OXR1: variants seen among roughly 807,000 people sequenced by gnomAD.
The protein encoded by OXR1 is oxidation resistance protein 1.
Under a neutral mutation model 104.6 loss-of-function variants are expected in OXR1, and 41 were observed. The ratio of observed to expected loss-of-function variants is 0.39; its 90% CI spans 0.31 to 0.51. The LOEUF (loss-of-function observed/expected upper bound fraction) is 0.51. Among genes scored for constraint, OXR1 ranks in the 20% least tolerant of loss-of-function variants. The pLI is 0.77. For synonymous variants in OXR1, 348 were observed against 348.4 expected, an observed-to-expected ratio of 1.00 and a Z score of 0.01; for missense variants, 955 against 1,031.9, an observed-to-expected ratio of 0.93 and a Z score of 1.02.
At chr8:106,539,789 C>A (rs188878608) in intron 3 of OXR1, among the ~76,000 whole-genome samples, 4 of 152,228 alleles carry the variant, frequency 2.6e-5, no homozygotes, top group Non-Finnish European at 4.4e-5. Context: ...TCAGATGGGA[C>A]AGTGGTCCCT....
At chr8:106,649,966 G>T (rs1824426218) in intron 3 of OXR1, among the ~76,000 whole-genome samples, 1 of 152,090 alleles carries the variant, frequency 6.6e-6, no homozygotes, top group East Asian at 1.9e-4. Flanking sequence ...AAAGTGCTGG[G>T]ATTACAGGTG....
At chr8:106,690,912 T>C (rs2131283205) in intron 6 of OXR1, among the ~76,000 whole-genome samples, 1 of 152,098 alleles carries the variant, frequency 6.6e-6, no homozygotes, top group South Asian at 2.1e-4. Flanking sequence ...TCCTTTGCCC[T>C]ACCTATGTGT....
intron 2 of OXR1, among the ~76,000 whole-genome samples, chr8:106,415,251 C>G (rs762328130): frequency 5.3e-5 from 8 of 152,028 alleles, no homozygotes; most frequent in Non-Finnish European, 1.2e-4. Flanking sequence ...TTCTGCAGGC[C>G]TAAAATCTAT....
intron 2 of OXR1, among the ~76,000 whole-genome samples, chr8:106,388,424 C>CT (rs754817003): frequency 0.024 from 3,449 of 142,426 alleles, 108 homozygotes; most frequent in African/African-American, 0.075. Flanking sequence ...ACTTTCAGTT[C>CT]TTTTTTTTTT....
chr8:106,471,174 AG>A (rs1821472509), intron 2 of OXR1, among the ~76,000 whole-genome samples: 1 of 151,752 alleles, frequency 6.6e-6, no homozygotes, highest in Non-Finnish European at 1.5e-5. Context: ...ACAGTTTAGT[AG>A]AAAGGGAAGG....
At chr8:106,289,131 T>G (rs1323034204) in intron 1 of OXR1, among the ~76,000 whole-genome samples, 1 of 152,098 alleles carries the variant, frequency 6.6e-6, no homozygotes, top group Non-Finnish European at 1.5e-5. Flanking sequence ...GGATGCCCAC[T>G]CTAACCACTC....
intron 3 of OXR1, among the ~76,000 whole-genome samples, chr8:106,633,058 AC>A (rs1236542280): frequency 2.6e-5 from 4 of 152,002 alleles, no homozygotes; most frequent in Non-Finnish European, 5.9e-5. Flanking sequence ...AGATGGTGAA[AC>A]CCTGTCTCTA....
chr8:106,516,959 G>A (rs1160886281), intron 2 of OXR1, among the ~76,000 whole-genome samples: 1 of 152,070 alleles, frequency 6.6e-6, no homozygotes, highest in Non-Finnish European at 1.5e-5. Context: ...ACTATCTGTG[G>A]TTTCAAGCAT....
chr8:106,618,199 C>T, intron 3 of OXR1: 1 of 1,527,698 alleles, frequency 6.5e-7, no homozygotes, highest in South Asian at 1.2e-5. Flanking sequence ...TGTAAGTGCT[C>T]TCTTAGTGGC....
intron 11 of OXR1, among the ~76,000 whole-genome samples, chr8:106,725,411 T>C (rs1833237820): frequency 6.6e-6 from 1 of 152,206 alleles, no homozygotes; most frequent in South Asian, 2.1e-4. Context: ...ATGATATTGA[T>C]ATTCTGATTA....
At chr8:106,384,355 A>G (rs1817280155) in intron 2 of OXR1, among the ~76,000 whole-genome samples, 1 of 152,160 alleles carries the variant, frequency 6.6e-6, no homozygotes, top group Non-Finnish European at 1.5e-5. Flanking sequence ...GCACTTCCTG[A>G]GATCACATGA....
At chr8:106,452,446 T>C (rs1820366978) in intron 2 of OXR1, among the ~76,000 whole-genome samples, 2 of 152,098 alleles carry the variant, frequency 1.3e-5, no homozygotes, top group Admixed American at 6.6e-5. Context: ...ATAGAGTAAG[T>C]TTTAATTAAC....
chr8:106,622,095 C>T (rs1196889527), intron 3 of OXR1, among the ~76,000 whole-genome samples: 1 of 152,120 alleles, frequency 6.6e-6, no homozygotes, highest in Admixed American at 6.6e-5. Flanking sequence ...ATTTCTCTAG[C>T]TATTCAGGCC....
In OXR1 at chr8:106,545,174, C is replaced by T. The variant is rs527948695; in HGVS notation, c.220+26035C>T. ...ACATGTACCCTGGGGGCAAAGTCAC[C>T]CCTGGTTGAAAGCTACTCTTCTAGA... is the stretch of plus-strand genomic sequence containing the variant. On this transcript the variant is annotated intron_variant, in intron 3 of 16. Coordinates refer to ENST00000517566, the MANE Select transcript of OXR1 (RefSeq NM_001198533.2). 9.9e-5 allele frequency among the ~76,000 whole-genome samples: 15 copies of T among 152,142 alleles called. No homozygotes were observed. The East Asian group carries it at 2.9e-3, about 29-fold the overall frequency.
intron 11 of OXR1, among the ~76,000 whole-genome samples, chr8:106,718,535 A>C (rs1408274217): frequency 6.6e-6 from 1 of 152,194 alleles, no homozygotes; most frequent in Non-Finnish European, 1.5e-5. Context: ...TGTATGCCAC[A>C]TGATAAAGAG....
At chr8:106,617,809 G>A (rs189036463) in intron 3 of OXR1, among the ~76,000 whole-genome samples, 115 of 152,282 alleles carry the variant, frequency 7.6e-4, no homozygotes, top group African/African-American at 2.5e-3. Flanking sequence ...ATAAGAAATT[G>A]TACAGAGGCT....
At chr8:106,414,612 G>A (rs1452415863) in intron 2 of OXR1, among the ~76,000 whole-genome samples, 1 of 152,098 alleles carries the variant, frequency 6.6e-6, no homozygotes, top group Non-Finnish European at 1.5e-5. Context: ...CATTGCTCAT[G>A]TAGACGGATG....
In OXR1 at chr8:106,329,498, C is replaced by T. The variant is rs538048981; in HGVS notation, c.-138-29978C>T. Among the ~76,000 whole-genome samples the T allele has an allele frequency of 3.5e-3, 527 of 152,108 alleles. 4 individuals carry two copies. The highest frequency in any genetic ancestry group is 0.012 in the African/African-American group (490 of 41,502). The stretch of plus-strand genomic sequence containing the variant: ...GAGTAGCTGGGACTACAGACGCCCT[C>T]CACCACGCCTGGCTAATTTTTTGTA... On this transcript the variant is annotated intron_variant, in intron 1 of 16. Coordinates refer to ENST00000517566, the MANE Select transcript of OXR1 (RefSeq NM_001198533.2).
rs1282325812 is a variant in OXR1, at chr8:106,655,172, C to A, written c.221-24038C>A. 3.9e-5 allele frequency among the ~76,000 whole-genome samples: 6 copies of A among 151,924 alleles called. No homozygotes were observed. The South Asian group carries it at 1.0e-3, about 26-fold the overall frequency. ...AGTGACTACAGATGGTAAAAAGTTT[C>A]TTTTTGTGGTGATGGAAATGCTCAG... On this transcript the variant is annotated intron_variant, in intron 3 of 16. Coordinates refer to ENST00000517566, the MANE Select transcript of OXR1 (RefSeq NM_001198533.2).
Sources: gnomAD v4.1 joint callset for allele counts (sites outside exome capture counted in the v4.1 genomes callset) on GRCh38, gnomAD v4.1.1 for gene constraint, MANE v1.5 for transcripts, NCBI Gene and HGNC (gene_info 2026-07-23, HGNC 2026-07-21) for gene names.